SELPLG: variants seen among roughly 807,000 people sequenced by gnomAD.
SELPLG encodes the protein P-selectin glycoprotein ligand 1.
A neutral mutation model predicts 1.1 loss-of-function variants in SELPLG; 2 were observed. The ratio of observed to expected loss-of-function variants is 1.82; its 90% confidence interval spans 0.74 to 5.71. The LOEUF (loss-of-function observed/expected upper bound fraction) is 5.71, where lower values mean the gene tolerates loss of function less well. Ranked by LOEUF, SELPLG falls within the 30% of genes most tolerant of loss-of-function variation. The pLI is 0.05. For missense variants in SELPLG, 478 were observed against 524.7 expected, an observed-to-expected ratio of 0.91 and a Z score of 0.87; for synonymous variants, 230 against 221.2, an observed-to-expected ratio of 1.04 and a Z score of -0.35.
At chr12:108,630,746 T>C (rs1165836960) in intron 1 of SELPLG, among the ~76,000 whole-genome samples, 1 of 152,102 alleles carries the variant, frequency 6.6e-6, no homozygotes, top group African/African-American at 2.4e-5. Context: ...AAATGCTGAG[T>C]CCTCCCAGAA....
Position 108,623,613 on chromosome 12 carries a change from T to G in SELPLG, c.695A>C (p.Gln232Pro). 6.2e-7 allele frequency: 1 copy of G among 1,610,222 alleles called. No homozygotes were observed. The highest frequency in any genetic ancestry group is 1.1e-5 in the South Asian group (1 of 90,624). The change falls in exon 2 of 2, where the codon CAG becomes CCG. Residue 232 changes from glutamine (Q) to proline (P), a missense_variant. Gln to Pro is a moderately conservative substitution (Grantham distance 76, BLOSUM62 -1). Coordinates refer to ENST00000550948, the MANE Select transcript of SELPLG (RefSeq NM_003006.4). ...CTCCGTGGCTTCTGGTGCAGTGGTC[T>G]GTGCCTCCATGGCTGTGGTTTGAGT... ...QTTQTTAMEA[Q>P]TTAPEATEAQ... is the part of the protein sequence containing the mutation.
intron 1 of SELPLG, among the ~76,000 whole-genome samples, chr12:108,629,648 G>A (rs2032008864): frequency 6.6e-6 from 1 of 152,200 alleles, no homozygotes; most frequent in South Asian, 2.1e-4. Context: ...CAAGGCTGCA[G>A]TGAGCTATGA....
intron 1 of SELPLG, among the ~76,000 whole-genome samples, chr12:108,627,964 C>A (rs2031968062): frequency 6.6e-6 from 1 of 152,068 alleles, no homozygotes; most frequent in Non-Finnish European, 1.5e-5. Flanking sequence ...CCTGTAGTCC[C>A]AGCTACTCAG....
intron 1 of SELPLG, chr12:108,631,931 G>C: frequency 1.3e-6 from 2 of 1,535,574 alleles, no homozygotes; most frequent in Non-Finnish European, 1.7e-6. Context: ...AAAGGAAGCC[G>C]AGACACAGGC....
At chr12:108,632,851 CT>C (rs2032086056) in intron 1 of SELPLG, among the ~76,000 whole-genome samples, 1 of 152,080 alleles carries the variant, frequency 6.6e-6, no homozygotes, top group African/African-American at 2.4e-5. Context: ...ATTGTTTTCC[CT>C]TTTGCTAACA....
intron 1 of SELPLG, among the ~76,000 whole-genome samples, chr12:108,633,023 G>T (rs2032088760): frequency 6.6e-6 from 1 of 152,070 alleles, no homozygotes. Context: ...CCTACTTTCT[G>T]GAGTCTTCCA....
intron 1 of SELPLG, among the ~76,000 whole-genome samples, chr12:108,627,833 G>T (rs957533880): frequency 3.9e-5 from 6 of 152,196 alleles, no homozygotes; most frequent in Admixed American, 2.0e-4. Context: ...GAGGACTTTG[G>T]GAGGCCAAGG....
chr12:108,623,542 G>C lies in SELPLG; in HGVS notation c.766C>G (p.Leu256Val). Reference sequence around the variant, plus strand: ...GTGGACAGGGCCTCCATGGCTGCCAGTGGAGTGGTCTGTGCCTCCGTGGCT... The same window carrying C: ...GTGGACAGGGCCTCCATGGCTGCCACTGGAGTGGTCTGTGCCTCCGTGGCT... ...PTATEAQTTP[L>V]AAMEALSTEP... Residue 256 changes from leucine to valine, a missense_variant, in exon 2 of 2, where the codon CTG becomes GTG. Coordinates refer to ENST00000550948, the MANE Select transcript of SELPLG (RefSeq NM_003006.4). 6.2e-7 allele frequency: 1 copy of C among 1,614,274 alleles called. No homozygotes were observed. The highest frequency in any genetic ancestry group is 8.5e-7 in the Non-Finnish European group (1 of 1,180,044).
Position 108,622,425 on chromosome 12 carries a change from CCA to C in SELPLG, c.*642_*643del, listed in dbSNP as rs968866050. ...TGTCACTAGATGGAAGCTCCTTGGTCCACACAGTCCCAAAGAAAGGTCTGCCC... is the reference window on the plus strand; with the variant it reads ...TGTCACTAGATGGAAGCTCCTTGGTCCACAGTCCCAAAGAAAGGTCTGCCC... On this transcript the variant is annotated 3_prime_UTR_variant, in exon 2 of 2. Transcript: ENST00000550948. The C allele has an allele frequency of 1.3e-5, 2 of 152,462 alleles. No homozygotes were observed. Among genetic ancestry groups the C allele is most frequent in the African/African-American group, 4.8e-5 (2 of 41,560 alleles). 9.4% of individuals were successfully genotyped at this position (152,462 alleles called of 1,614,324 possible). A position where few individuals can be genotyped will look rare whatever the true frequency, so the allele number is the denominator to read the frequency against.
At chr12:108,632,661 T>C (rs1420664) in intron 1 of SELPLG, among the ~76,000 whole-genome samples, 63,857 of 151,590 alleles carry the variant, frequency 0.42, 15,975 homozygotes, top group East Asian at 0.56. Flanking sequence ...ACCACAGGCA[T>C]ACACCACTAC....
At chr12:108,633,436 G>A (rs1456547797) in intron 1 of SELPLG, among the ~76,000 whole-genome samples, 1 of 152,234 alleles carries the variant, frequency 6.6e-6, no homozygotes, top group Non-Finnish European at 1.5e-5. Flanking sequence ...AGGAGTTTAA[G>A]GCTGCAGTGA....
chr12:108,631,292 T>C (rs527498960), intron 1 of SELPLG, among the ~76,000 whole-genome samples: 7 of 152,346 alleles, frequency 4.6e-5, no homozygotes, highest in South Asian at 2.1e-4. Context: ...AGATAGGGTC[T>C]TTCTCTGTTG....
chr12:108,626,974 G>T (rs2031947908), intron 1 of SELPLG, among the ~76,000 whole-genome samples: 1 of 152,256 alleles, frequency 6.6e-6, no homozygotes, highest in Non-Finnish European at 1.5e-5. Flanking sequence ...GCGTGGTGGT[G>T]CTCCCTGTAA....
At chr12:108,624,865 T>A (rs1288679989) in intron 1 of SELPLG, among the ~76,000 whole-genome samples, 1 of 152,078 alleles carries the variant, frequency 6.6e-6, no homozygotes, top group South Asian at 2.1e-4. Flanking sequence ...AATTTGTGTA[T>A]TTTTAGTAGA....
chr12:108,630,213 C>T (rs539854509), intron 1 of SELPLG, among the ~76,000 whole-genome samples: 42 of 152,228 alleles, frequency 2.8e-4, no homozygotes, highest in Admixed American at 7.2e-4. Context: ...TAAAACCAGG[C>T]TGCTTCTGGC....
At chr12:108,632,756 A>T (rs1833245) in intron 1 of SELPLG, among the ~76,000 whole-genome samples, 130,784 of 152,072 alleles carry the variant, frequency 0.86, 56,550 homozygotes, top group Middle Eastern at 0.9. Context: ...GCTCAGGCCA[A>T]CCACCTGCCT....
intron 1 of SELPLG, among the ~76,000 whole-genome samples, chr12:108,628,318 A>AATACACACACACACACACACACACAC (rs1057249726): frequency 1.4e-5 from 2 of 140,206 alleles, no homozygotes; most frequent in African/African-American, 5.4e-5. Context: ...TAATAAATGT[A>AATACACACACACACACACACACACAC]ACACACACAC....
At chr12:108,624,982 C>T (rs2031911355) in intron 1 of SELPLG, among the ~76,000 whole-genome samples, 2 of 151,968 alleles carry the variant, frequency 1.3e-5, no homozygotes, top group African/African-American at 4.8e-5. Context: ...GCCACTGCGC[C>T]CGACCTCATG....
intron 1 of SELPLG, among the ~76,000 whole-genome samples, chr12:108,628,318 A>AATACACACAC (rs1057249726): frequency 4.3e-5 from 6 of 140,206 alleles, no homozygotes; most frequent in African/African-American, 1.6e-4. Context: ...TAATAAATGT[A>AATACACACAC]ACACACACAC....
Sources: gnomAD v4.1 joint callset for allele counts (sites outside exome capture counted in the v4.1 genomes callset) on GRCh38, gnomAD v4.1.1 for gene constraint, MANE v1.5 for transcripts, NCBI Gene and HGNC (gene_info 2026-07-23, HGNC 2026-07-21) for gene names.